Variants in EDEM1 observed in about 807,000 individuals in gnomAD.
EDEM1 encodes ER degradation enhancing alpha-mannosidase like protein 1.
A neutral mutation model predicts 74.4 loss-of-function variants in EDEM1; 67 were observed. The ratio of observed to expected loss-of-function variants is 0.90; its 90% CI spans 0.74 to 1.10. The LOEUF is 1.10. Ranked by LOEUF, EDEM1 falls within the 50% of genes least tolerant of loss-of-function variation. EDEM1 has a pLI of 0.00. For missense variants in EDEM1, 926 were observed against 851.6 expected (o/e 1.09, Z -1.09); for synonymous variants, 382 against 335.9 (o/e 1.14, Z -1.50).
intron 1 of EDEM1, 21 bp downstream of exon 1, chr3:5,188,335 G>C (rs2054854720): frequency 1.4e-6 from 2 of 1,405,620 alleles, no homozygotes; most frequent in Non-Finnish European, 9.3e-7. Context: ...CCCGCCGCCC[G>C]GGGCCGCGCG....
At chr3:5,201,320 AT>A (rs1559296338) in intron 3 of EDEM1, among the ~76,000 whole-genome samples, 1 of 151,318 alleles carries the variant, frequency 6.6e-6, no homozygotes. Context: ...CATGCGGCTA[AT>A]TTTTTTTATT....
At position 5,187,978 on chromosome 3, in the gene EDEM1, G is replaced by A. The variant is rs775996453; in HGVS notation, c.173G>A (p.Gly58Glu). ...GACGGCCCCGCGTCGCCCACCTCGG[G>A]GCCCGTGGGCCGGCCTGGGGGGGTA... is the stretch of plus-strand genomic sequence containing the variant. ...SPDGPASPTS[G>E]PVGRPGGVSG... Residue 58 changes from glycine to glutamate, a missense_variant, in exon 1 of 12, where the codon GGG becomes GAG. Coordinates refer to ENST00000256497, the MANE Select transcript of EDEM1 (RefSeq NM_014674.3). The A allele has an allele frequency of 6.5e-6, 10 of 1,541,726 alleles. No homozygotes were observed. Among genetic ancestry groups the A allele is most frequent in the Non-Finnish European group, 8.7e-6 (10 of 1,147,232 alleles).
intron 8 of EDEM1, among the ~76,000 whole-genome samples, chr3:5,209,545 G>A (rs1278588429): frequency 2.0e-5 from 3 of 152,180 alleles, no homozygotes; most frequent in Non-Finnish European, 4.4e-5. Context: ...GCTGCAATCT[G>A]GCACTAGGCA....
chr3:5,199,548 T>A, intron 2 of EDEM1, 44 bp from the exon 3 acceptor site: 1 of 1,460,906 alleles, frequency 6.8e-7, no homozygotes, highest in Non-Finnish European at 9.6e-7. Context: ...CAGCCTCAGT[T>A]TCATTTCAAG....
intron 2 of EDEM1, among the ~76,000 whole-genome samples, 155 bp from the exon 3 acceptor site, chr3:5,199,437 G>T (rs111268394): frequency 0.016 from 2,463 of 152,308 alleles, 70 homozygotes; most frequent in African/African-American, 0.056. Context: ...GGGAATATAT[G>T]CTAAGAAATA....
chr3:5,201,853 A>C lies in EDEM1; in HGVS notation c.787A>C (p.Met263Leu). 1.2e-6 allele frequency: 2 copies of C among 1,614,214 alleles called. No homozygotes were observed. The highest frequency in any genetic ancestry group is 1.7e-6 in the Non-Finnish European group (2 of 1,180,042). The change falls in exon 4 of 12, where the codon ATG becomes CTG. Residue 263 changes from methionine (M) to leucine (L), a missense_variant. Physicochemically the swap from Met to Leu is conservative, Grantham distance 15 (BLOSUM62 2). Transcript: ENST00000256497. ...IKDYDNELLY[M>L]AHDLAVRLLP... ...GGACTATGATAATGAGTTGTTATACATGGCCCATGACCTGGCGGTGCGGCT... is the reference window on the plus strand; with the variant it reads ...GGACTATGATAATGAGTTGTTATACCTGGCCCATGACCTGGCGGTGCGGCT...
At chr3:5,194,039 A>G (rs2054933513) in intron 1 of EDEM1, among the ~76,000 whole-genome samples, 1 of 152,230 alleles carries the variant, frequency 6.6e-6, no homozygotes, top group African/African-American at 2.4e-5. Context: ...GCTGAGGCAC[A>G]GGCCTTTCAG....
chr3:5,214,517 A>T (rs1350565897), intron 11 of EDEM1, among the ~76,000 whole-genome samples: 1 of 152,212 alleles, frequency 6.6e-6, no homozygotes, highest in African/African-American at 2.4e-5. Flanking sequence ...ATCGGGAGGA[A>T]GGGGAAGGAG....
At chr3:5,212,197 C>T (rs1012941752) in intron 10 of EDEM1, among the ~76,000 whole-genome samples, 1 of 152,176 alleles carries the variant, frequency 6.6e-6, no homozygotes, top group African/African-American at 2.4e-5. Context: ...TTCACATGAG[C>T]CAGGTTTTGG....
At chr3:5,205,601 T>A (rs1396847624) in intron 6 of EDEM1, among the ~76,000 whole-genome samples, 1 of 152,234 alleles carries the variant, frequency 6.6e-6, no homozygotes, top group African/African-American at 2.4e-5. Flanking sequence ...TGCTGGGAGA[T>A]CCCCTTCCAG....
At position 5,211,315 on chromosome 3, in the gene EDEM1, T is replaced by C. The variant is rs142207362; in HGVS notation, c.1680+99T>C. On this transcript the variant is annotated intron_variant, in intron 10 of 11. Coordinates refer to ENST00000256497, the MANE Select transcript of EDEM1 (RefSeq NM_014674.3). ...GACAGGTACTTACTGGCTAAAGCTA[T>C]GTGCTGGACATTGTGCATTCCCAGG... The C allele has an allele frequency of 3.0e-4, 351 of 1,153,402 alleles. 2 individuals carry two copies. The African/African-American group carries it at 4.8e-3, about 16-fold the overall frequency. The allele number at this position is 1,153,402 out of a possible 1,614,324, so 71.4% of individuals were successfully genotyped here.
chr3:5,207,754 C>T (rs981752633), intron 7 of EDEM1, among the ~76,000 whole-genome samples: 1 of 152,162 alleles, frequency 6.6e-6, no homozygotes, highest in African/African-American at 2.4e-5. Context: ...GTGATCTGCC[C>T]GCCTCAGCCT....
Position 5,195,753 on chromosome 3 carries a change from C to T in EDEM1, c.582+472C>T, listed in dbSNP as rs556557246. 1.4e-3 allele frequency among the ~76,000 whole-genome samples: 209 copies of T among 152,358 alleles called. 1 individual carries two copies. The highest frequency in any genetic ancestry group is 4.9e-3 in the African/African-American group (204 of 41,588). Reference sequence around the variant, plus strand: ...CTAGAAACCCTTCTCTTTTATTTGCCACTTCCTGTTTTGTGGACACTCCAT... The same window carrying T: ...CTAGAAACCCTTCTCTTTTATTTGCTACTTCCTGTTTTGTGGACACTCCAT... On this transcript the variant is annotated intron_variant, in intron 2 of 11. Transcript: ENST00000256497.
intron 1 of EDEM1, among the ~76,000 whole-genome samples, chr3:5,189,161 T>C (rs1410974205): frequency 6.6e-6 from 1 of 151,900 alleles, no homozygotes; most frequent in Non-Finnish European, 1.5e-5. Context: ...CTCTTACCTG[T>C]AGGGAAGGAA....
At chr3:5,190,694 G>A (rs1350852966) in intron 1 of EDEM1, among the ~76,000 whole-genome samples, 1 of 152,188 alleles carries the variant, frequency 6.6e-6, no homozygotes, top group Non-Finnish European at 1.5e-5. Context: ...GATGGCATTA[G>A]GGAAGGGTTG....
chr3:5,198,913 G>A (rs185300183), intron 2 of EDEM1, among the ~76,000 whole-genome samples: 81 of 152,248 alleles, frequency 5.3e-4, no homozygotes, highest in African/African-American at 1.6e-3. Context: ...ATGCCCAACT[G>A]TGCTTCACAT....
At chr3:5,193,919 T>G (rs181414245) in intron 1 of EDEM1, among the ~76,000 whole-genome samples, 361 of 152,318 alleles carry the variant, frequency 2.4e-3, no homozygotes, top group African/African-American at 8.4e-3. Flanking sequence ...TATAAATTCT[T>G]TGCTTTAGAT....
chr3:5,188,512 T>C (rs1457199692), intron 1 of EDEM1, 198 bp downstream of exon 1: 1 of 482,344 alleles, frequency 2.1e-6, no homozygotes, highest in Non-Finnish European at 3.3e-6. Context: ...GCCGGTGGCC[T>C]TCCTCTCCTG....
chr3:5,209,702 A>AG (rs1559299603), intron 8 of EDEM1, among the ~76,000 whole-genome samples: 2 of 152,188 alleles, frequency 1.3e-5, no homozygotes, highest in Non-Finnish European at 1.5e-5. Flanking sequence ...TAGAAAGGAA[A>AG]GGGTGGCGGC....
Sources: gnomAD v4.1 joint callset for allele counts (sites outside exome capture counted in the v4.1 genomes callset) on GRCh38, gnomAD v4.1.1 for gene constraint, MANE v1.5 for transcripts, NCBI Gene and HGNC (gene_info 2026-07-23, HGNC 2026-07-21) for gene names.